Variants in ADSL observed in about 807,000 individuals in gnomAD.
ADSL encodes the protein adenylosuccinate lyase, also known as adenylosuccinase.
ADSL carries 44 observed loss-of-function variants against 62.1 expected under a neutral mutation model. That is an observed-to-expected ratio of 0.71 (90% CI 0.56 to 0.91). ADSL has a LOEUF of 0.91. Among genes scored for constraint, ADSL ranks in the 40% least tolerant of loss-of-function variants. The probability of loss-of-function intolerance (pLI) is 0.00; values close to 1 mark genes in which losing one functional copy is unlikely to be tolerated. For missense variants in ADSL, 531 were observed against 627.4 expected (o/e 0.85, Z 1.64); for synonymous variants, 198 against 220.5 (o/e 0.90, Z 0.90).
chr22:40,386,199 G>A (rs1373840319), intron 2 of ADSL, among the ~76,000 whole-genome samples: 3 of 152,078 alleles, frequency 2.0e-5, no homozygotes, highest in Non-Finnish European at 1.5e-5. Flanking sequence ...AACTTAAATG[G>A]GGCTAGATGA....
chr22:40,370,456 CG>C (rs2045186272), downstream of ADSL: 1 of 152,306 alleles, frequency 6.6e-6, no homozygotes, highest in African/African-American at 2.4e-5. Flanking sequence ...TCTCAGGCTG[CG>C]GTGCAGACGA....
intron 2 of ADSL, chr22:40,387,454 C>T (rs2048660224): frequency 2.8e-6 from 1 of 359,422 alleles, no homozygotes; most frequent in Admixed American, 4.6e-5. Context: ...AAAATAGCAA[C>T]TGTGTAAACT....
intron 4 of ADSL, among the ~76,000 whole-genome samples, chr22:40,357,648 A>G (rs900182065): frequency 3.9e-5 from 6 of 152,342 alleles, no homozygotes; most frequent in African/African-American, 1.2e-4. Flanking sequence ...TAGCATGACT[A>G]TTCCTCACTG....
chr22:40,376,575 G>GAA (rs2046646308), intron 2 of ADSL: 1 of 152,102 alleles, frequency 6.6e-6, no homozygotes, highest in East Asian at 1.9e-4. Context: ...TTAGGTGTTT[G>GAA]CTATATATAC....
In ADSL at chr22:40,366,625, G is replaced by A; in HGVS notation, c.*103G>A. ...CCTCGAGAATTGTTACCTTAAATTA[G>A]TACAGCACTTTCTTCTTCCCATGGT... On this transcript the variant is annotated 3_prime_UTR_variant, in exon 13 of 13. Transcript: ENST00000623063. The A allele has an allele frequency of 1.2e-6, 1 of 835,590 alleles. No individual in the cohort carries two copies. 51.8% of individuals were successfully genotyped at this position (835,590 alleles called of 1,614,324 possible).
chr22:40,377,480 G>T (rs1373607868), intron 2 of ADSL, among the ~76,000 whole-genome samples: 1 of 152,144 alleles, frequency 6.6e-6, no homozygotes, highest in Non-Finnish European at 1.5e-5. Context: ...CCCAAAGTCA[G>T]TTTTGGTGGC....
intron 2 of ADSL, among the ~76,000 whole-genome samples, chr22:40,386,025 GTT>G (rs68008146): frequency 4.1e-5 from 6 of 145,196 alleles, no homozygotes; most frequent in African/African-American, 1.0e-4. Flanking sequence ...CTAATTTTTT[GTT>G]TTTTTTTTTG....
chr22:40,352,598 A>G (rs1437891596), intron 2 of ADSL, among the ~76,000 whole-genome samples: 10 of 152,222 alleles, frequency 6.6e-5, no homozygotes, highest in Admixed American at 6.5e-4. Context: ...CAGAAGCTCA[A>G]GCCCTCCTCT....
intron 4 of ADSL, among the ~76,000 whole-genome samples, chr22:40,356,133 C>T (rs529109773): frequency 4.7e-5 from 7 of 149,794 alleles, no homozygotes; most frequent in East Asian, 1.9e-4. Flanking sequence ...ACCTGGGAGG[C>T]GGAGGTTGTA....
chr22:40,360,184 G>A (rs983467535), intron 6 of ADSL, among the ~76,000 whole-genome samples: 3 of 152,192 alleles, frequency 2.0e-5, no homozygotes, highest in African/African-American at 7.2e-5. Context: ...ATAAGACCAA[G>A]CTTTTCTTTA....
downstream of ADSL, chr22:40,372,972 G>C (rs1388292049): frequency 1.3e-5 from 2 of 152,212 alleles, no homozygotes; most frequent in Non-Finnish European, 2.9e-5. Flanking sequence ...AATGGGAATA[G>C]CACAATGAGT....
chr22:40,360,835 A>G (rs2044755545), intron 7 of ADSL, among the ~76,000 whole-genome samples: 1 of 151,310 alleles, frequency 6.6e-6, no homozygotes, highest in Non-Finnish European at 1.5e-5. Flanking sequence ...CGAGCCTCCC[A>G]AGTAGCTGGG....
rs546759595 is a variant in ADSL at position 40,352,631 on chromosome 22, G to A, written c.358-442G>A. Among the ~76,000 whole-genome samples the A allele has an allele frequency of 6.6e-5, 10 of 152,280 alleles. No homozygotes were observed. In the East Asian group the frequency reaches 1.9e-3, roughly 29 times the overall value. ...TCTCTGGGAAAATAGAAACCTTGTT[G>A]ACTTGCACATTTTCCAGTCATTTTT... On this transcript the variant is annotated intron_variant, in intron 2 of 12. Coordinates refer to ENST00000623063, the MANE Select transcript of ADSL (RefSeq NM_000026.4).
chr22:40,357,817 C>T (rs770526082), intron 4 of ADSL, among the ~76,000 whole-genome samples: 10 of 152,018 alleles, frequency 6.6e-5, no homozygotes, highest in Non-Finnish European at 1.3e-4. Context: ...CTGGCTGTGT[C>T]GCCCAGTGCG....
At chr22:40,352,161 C>T (rs1311464283) in intron 2 of ADSL, 1 of 152,152 alleles carries the variant, frequency 6.6e-6, no homozygotes, top group Non-Finnish European at 1.5e-5. Flanking sequence ...TTACCTTCCT[C>T]ACGAGCAGCT....
intron 1 of ADSL, 55 bp from the exon 2 acceptor site, chr22:40,349,777 C>A: frequency 6.7e-7 from 1 of 1,492,312 alleles, no homozygotes; most frequent in Non-Finnish European, 9.3e-7. Context: ...GGTGTCACTT[C>A]ATTCAAATAA....
intron 6 of ADSL, among the ~76,000 whole-genome samples, 183 bp from the exon 7 acceptor site, chr22:40,360,217 CAG>C (rs2044729952): frequency 6.6e-6 from 1 of 152,160 alleles, no homozygotes; most frequent in Non-Finnish European, 1.5e-5. Flanking sequence ...CCTTGTTTGA[CAG>C]AGTCATGTTT....
chr22:40,361,087 GT>G, intron 7 of ADSL, 185 bp from the exon 8 acceptor site: 1 of 710,568 alleles, frequency 1.4e-6, no homozygotes, highest in Non-Finnish European at 2.6e-6. Context: ...TGTCATCCCA[GT>G]CCTTCGGGAA....
intron 3 of ADSL, 167 bp downstream of exon 3, chr22:40,353,284 C>T: frequency 1.4e-6 from 1 of 711,122 alleles, no homozygotes; most frequent in Non-Finnish European, 2.6e-6. Context: ...TTCTTCTTCT[C>T]CTTTCTTCTT....
Sources: gnomAD v4.1 joint callset for allele counts (sites outside exome capture counted in the v4.1 genomes callset) on GRCh38, gnomAD v4.1.1 for gene constraint, MANE v1.5 for transcripts, NCBI Gene and HGNC (gene_info 2026-07-23, HGNC 2026-07-21) for gene names.